The following GOLT1A variants were observed in gnomAD, a reference collection of about 807,000 sequenced individuals.
GOLT1A encodes the protein golgi transport 1A.
In GOLT1A, 10 loss-of-function variants were observed where a neutral mutation model predicts 16.1. That is an observed-to-expected ratio of 0.62 (90% confidence interval 0.38 to 1.05). The LOEUF (loss-of-function observed/expected upper bound fraction) is 1.05, where lower values mean the gene tolerates loss of function less well. Among genes scored for constraint, GOLT1A ranks in the 50% least tolerant of loss-of-function variants. The pLI, the probability that GOLT1A is intolerant of heterozygous loss-of-function variation, is 0.01. For synonymous variants in GOLT1A, 60 were observed against 67.9 expected, an observed-to-expected ratio of 0.88 and a Z score of 0.57; for missense variants, 137 against 165.7, an observed-to-expected ratio of 0.83 and a Z score of 0.95.
chr1:204,211,097 G>C (rs181104923), intron 1 of GOLT1A, among the ~76,000 whole-genome samples: 28 of 151,850 alleles, frequency 1.8e-4, no homozygotes, highest in Non-Finnish European at 3.4e-4. Context: ...TCCCGGCCAC[G>C]ATCATCTCTT....
rs1658966851 is a variant in GOLT1A, at chr1:204,201,788, G to A, written c.141C>T (p.Ser47=). The change falls in exon 3 of 5, where the codon TCC becomes TCT. Residue 47 remains serine, a synonymous_variant. Transcript: ENST00000308302. ...FGNLLFLTGL[S]LIIGLRKTFW... ...AGGTCTTCCTCAGGCCAATGATGAG[G>A]GACAGGCCCGTCAGGAACAGCAGCT... The A allele has an allele frequency of 6.2e-7, 1 of 1,614,010 alleles. No homozygotes were observed. The highest frequency in any genetic ancestry group is 1.3e-5 in the African/African-American group (1 of 74,916).
intron 2 of GOLT1A, among the ~76,000 whole-genome samples, chr1:204,202,295 C>T (rs902249944): frequency 4.0e-5 from 6 of 151,368 alleles, no homozygotes; most frequent in Non-Finnish European, 5.9e-5. Flanking sequence ...TAATGAATCC[C>T]TTAAGAGTGC....
intron 1 of GOLT1A, among the ~76,000 whole-genome samples, chr1:204,207,355 G>A (rs753325562): frequency 1.1e-4 from 17 of 152,184 alleles, no homozygotes; most frequent in Admixed American, 8.5e-4. Flanking sequence ...CTCTCCAGGC[G>A]CCACCTAGAA....
At position 204,203,116 on chromosome 1, in the gene GOLT1A, C is replaced by T. The variant is rs1357187488; in HGVS notation, c.26-129G>A. Reference sequence around the variant, plus strand: ...CTCCACTTCCATCCAGGAATCTCAGCTTTCATGCTCTCAGGGGATGGTGGG... The same window carrying T: ...CTCCACTTCCATCCAGGAATCTCAGTTTTCATGCTCTCAGGGGATGGTGGG... On this transcript the variant is annotated intron_variant, in intron 1 of 4. Coordinates refer to ENST00000308302, the MANE Select transcript of GOLT1A (RefSeq NM_198447.2). 3 of 674,014 alleles carry T rather than the reference C, an allele frequency of 4.5e-6. No individual in the cohort carries two copies. The Admixed American group carries it at 7.2e-5, about 16-fold the overall frequency. The allele number at this position is 674,014 out of a possible 1,614,324, so 41.8% of individuals were successfully genotyped here.
At chr1:204,211,819 A>G (rs1022582855) in intron 1 of GOLT1A, among the ~76,000 whole-genome samples, 1 of 152,110 alleles carries the variant, frequency 6.6e-6, no homozygotes, top group Non-Finnish European at 1.5e-5. Flanking sequence ...TATTGTCACA[A>G]CTTGGAGTGG....
chr1:204,208,826 A>T (rs2102339777), intron 1 of GOLT1A, among the ~76,000 whole-genome samples: 1 of 152,146 alleles, frequency 6.6e-6, no homozygotes, highest in East Asian at 1.9e-4. Context: ...GTAACCAACC[A>T]CCTGTTCCCC....
intron 1 of GOLT1A, among the ~76,000 whole-genome samples, chr1:204,205,077 T>C (rs960678577): frequency 6.6e-6 from 1 of 152,230 alleles, no homozygotes; most frequent in Non-Finnish European, 1.5e-5. Flanking sequence ...ATGTAGCGTA[T>C]GATTTGCAAA....
intron 1 of GOLT1A, among the ~76,000 whole-genome samples, chr1:204,205,719 A>C (rs1451224852): frequency 2.0e-5 from 3 of 152,196 alleles, no homozygotes; most frequent in Non-Finnish European, 4.4e-5. Flanking sequence ...GAGGATTAGG[A>C]TCAATTCCAA....
At chr1:204,206,632 T>C (rs1659042812) in intron 1 of GOLT1A, among the ~76,000 whole-genome samples, 1 of 152,290 alleles carries the variant, frequency 6.6e-6, no homozygotes, top group African/African-American at 2.4e-5. Flanking sequence ...ACATCTGTCA[T>C]TGATTTCAGC....
chr1:204,199,109 G>T, intron 4 of GOLT1A, 86 bp downstream of exon 4: 1 of 1,208,238 alleles, frequency 8.3e-7, no homozygotes, highest in Non-Finnish European at 1.2e-6. Context: ...ACTGCCCCTG[G>T]GGCAGCAGTT....
chr1:204,205,587 CA>C (rs1659028220), intron 1 of GOLT1A, among the ~76,000 whole-genome samples: 3 of 152,236 alleles, frequency 2.0e-5, no homozygotes, highest in Middle Eastern at 3.4e-3. Context: ...ATTGTAAAAA[CA>C]AAAACAAAAT....
chr1:204,207,757 T>C (rs912592979), intron 1 of GOLT1A, among the ~76,000 whole-genome samples: 1 of 152,202 alleles, frequency 6.6e-6, no homozygotes, highest in Admixed American at 6.5e-5. Context: ...AAAGAATATT[T>C]TTCTTGAACC....
In GOLT1A at chr1:204,204,778, C is replaced by T. The variant is rs1160630836; in HGVS notation, c.26-1791G>A. Among the ~76,000 whole-genome samples, 7 of 152,344 alleles carry T rather than the reference C, an allele frequency of 4.6e-5. 1 individual carries two copies. In the South Asian group the frequency reaches 1.4e-3, roughly 32 times the overall value. On this transcript the variant is annotated intron_variant, in intron 1 of 4. Transcript: ENST00000308302. The stretch of plus-strand genomic sequence containing the variant: ...CATTGTGACTGCACCATTTAACATT[C>T]CCAGCAACAGTACACAAGAGTTCTA...
At chr1:204,212,292 C>T (rs1365974311) in intron 1 of GOLT1A, among the ~76,000 whole-genome samples, 1 of 152,174 alleles carries the variant, frequency 6.6e-6, no homozygotes, top group African/African-American at 2.4e-5. Context: ...TGGACCACGC[C>T]CCGCTAATCT....
intron 4 of GOLT1A, 92 bp downstream of exon 4, chr1:204,199,103 C>T: frequency 8.8e-7 from 1 of 1,141,916 alleles, no homozygotes; most frequent in Non-Finnish European, 1.3e-6. Context: ...GAGGCCACTG[C>T]CCCTGGGGCA....
intron 4 of GOLT1A, among the ~76,000 whole-genome samples, 178 bp from the exon 5 acceptor site, chr1:204,198,674 G>T (rs938661443): frequency 7.9e-5 from 12 of 152,162 alleles, no homozygotes. Context: ...GTCTCCCTGG[G>T]CTCCTCAGAG....
chr1:204,202,643 C>T (rs200571521), intron 2 of GOLT1A, among the ~76,000 whole-genome samples: 3 of 152,044 alleles, frequency 2.0e-5, no homozygotes, highest in East Asian at 1.9e-4. Context: ...GCCCAGAGCT[C>T]GGTGTGAGAA....
chr1:204,199,137 T>C, intron 4 of GOLT1A, 58 bp downstream of exon 4: 1 of 1,435,344 alleles, frequency 7.0e-7, no homozygotes, highest in South Asian at 1.2e-5. Flanking sequence ...CTCCCCTCCG[T>C]GTGCTCCCCC....
intron 1 of GOLT1A, among the ~76,000 whole-genome samples, chr1:204,206,599 G>T (rs1281736269): frequency 6.6e-6 from 1 of 152,204 alleles, no homozygotes; most frequent in Non-Finnish European, 1.5e-5. Context: ...AATATCTGTT[G>T]TTGGCTTATG....
Sources: gnomAD v4.1 joint callset for allele counts (sites outside exome capture counted in the v4.1 genomes callset) on GRCh38, gnomAD v4.1.1 for gene constraint, MANE v1.5 for transcripts, NCBI Gene and HGNC (gene_info 2026-07-23, HGNC 2026-07-21) for gene names.